Variants in NCOR2 observed in about 807,000 individuals in gnomAD.
NCOR2 encodes the protein nuclear receptor corepressor 2.
NCOR2 carries 81 observed loss-of-function variants against 262.9 expected under a neutral mutation model. That is an observed-to-expected ratio of 0.31 (90% CI 0.26 to 0.37). The LOEUF is 0.37. Ranked by LOEUF, NCOR2 falls within the 10% of genes least tolerant of loss-of-function variation. The pLI is 1.00. For missense variants in NCOR2, 3,385 were observed against 3,621.4 expected, an observed-to-expected ratio of 0.93 and a Z score of 1.68; for synonymous variants, 1,659 against 1,559.3, an observed-to-expected ratio of 1.06 and a Z score of -1.51.
In NCOR2 at chr12:124,483,074, G is replaced by A. The variant is rs753129573; in HGVS notation, c.411+522C>T. On this transcript the variant is annotated intron_variant, in intron 3 of 46. Coordinates refer to ENST00000405201, the Ensembl canonical transcript of NCOR2. This position sits in a 1 kb window ranked among gnomAD's most constrained non-coding sequence, Gnocchi z 6.3. The stretch of plus-strand genomic sequence containing the variant: ...GGCAGAGCCCTGAGCTGTCCACCTC[G>A]CGGGCCGGGGTTCAAGGCCCAGGGG... Among the ~76,000 whole-genome samples the A allele has an allele frequency of 7.2e-5, 11 of 151,992 alleles. No homozygotes were observed. Among genetic ancestry groups the A allele is most frequent in the Non-Finnish European group, 1.6e-4 (11 of 67,946 alleles).
intron 22 of NCOR2, among the ~76,000 whole-genome samples, chr12:124,357,066 G>A (rs1368056159): frequency 6.6e-6 from 1 of 152,226 alleles, no homozygotes; most frequent in Non-Finnish European, 1.5e-5. Context: ...AACCCCACAA[G>A]CACTCAACCA....
Position 124,549,482 on chromosome 12 carries a change from G to A in NCOR2, c.-164-13871C>T, listed in dbSNP as rs1161113430. Among the ~76,000 whole-genome samples the A allele has an allele frequency of 1.3e-5, 2 of 152,018 alleles. No individual in the cohort carries two copies. Among genetic ancestry groups the A allele is most frequent in the African/African-American group, 4.8e-5 (2 of 41,366 alleles). Reference sequence around the variant, plus strand: ...GAGGAAGGCAACTGAGCCCCCTGCAGTAGAAACCCCCACCCGCGAGGCCAG... The same window carrying A: ...GAGGAAGGCAACTGAGCCCCCTGCAATAGAAACCCCCACCCGCGAGGCCAG... On this transcript the variant is annotated intron_variant, in intron 1 of 32. Coordinates refer to the NCOR2 transcript ENST00000458234. This position sits in a 1 kb window ranked among gnomAD's most constrained non-coding sequence, Gnocchi z 4.4.
At chr12:124,395,427 A>T (rs541132605) in intron 16 of NCOR2, among the ~76,000 whole-genome samples, 201 of 152,328 alleles carry the variant, frequency 1.3e-3, no homozygotes, top group African/African-American at 4.6e-3. Flanking sequence ...CGGCAGACGA[A>T]CATGCTGCTG....
At chr12:124,430,927 C>T (rs1194702965) in intron 8 of NCOR2, 140 bp from the exon 11 acceptor site, 8 of 961,818 alleles carry the variant, frequency 8.3e-6, no homozygotes, top group Non-Finnish European at 1.0e-5. Flanking sequence ...CATATACAGT[C>T]AGATACAGCC....
chr12:124,405,405 C>T (rs1316069260), intron 13 of NCOR2, among the ~76,000 whole-genome samples: 1 of 152,228 alleles, frequency 6.6e-6, no homozygotes, highest in African/African-American at 2.4e-5. Flanking sequence ...GGTGCAGCAA[C>T]ACCCACTAGC....
chr12:124,327,688 C>T, intron 44 of NCOR2, 55 bp from the exon 47 acceptor site: 1 of 1,336,238 alleles, frequency 7.5e-7, no homozygotes, highest in Non-Finnish European at 1.0e-6. Context: ...GGAGGGGGAG[C>T]CAGAGGGGCG....
At chr12:124,396,913 C>T (rs1431975644) in intron 16 of NCOR2, among the ~76,000 whole-genome samples, 2 of 152,206 alleles carry the variant, frequency 1.3e-5, no homozygotes, top group Non-Finnish European at 2.9e-5. Flanking sequence ...CCATAAGTCA[C>T]GACCTGGAGC....
At chr12:124,484,562 C>T (rs1228003589) in intron 2 of NCOR2, among the ~76,000 whole-genome samples, 3 of 152,238 alleles carry the variant, frequency 2.0e-5, no homozygotes, top group Non-Finnish European at 4.4e-5. Flanking sequence ...TGTTCCCCTC[C>T]TGCACAAGCC....
intron 28 of NCOR2, among the ~76,000 whole-genome samples, chr12:124,349,357 C>T (rs573236320): frequency 1.3e-5 from 2 of 152,324 alleles, no homozygotes; most frequent in South Asian, 2.1e-4. Context: ...GACAGGCTCT[C>T]GGGCTTTTCA....
At chr12:124,379,003 G>A (rs1218350264) in intron 17 of NCOR2, among the ~76,000 whole-genome samples, 3 of 152,100 alleles carry the variant, frequency 2.0e-5, no homozygotes, top group African/African-American at 7.3e-5. Context: ...AGAGGGTCGC[G>A]TGGGTGAAAC....
chr12:124,507,673 C>T (rs546134391), intron 1 of NCOR2, among the ~76,000 whole-genome samples: 22 of 152,270 alleles, frequency 1.4e-4, no homozygotes, highest in Non-Finnish European at 2.8e-4. Context: ...CCCAGGTGGC[C>T]TCAAGGCCAG....
At chr12:124,475,357 C>T (rs1465419140) in intron 3 of NCOR2, among the ~76,000 whole-genome samples, 1 of 151,826 alleles carries the variant, frequency 6.6e-6, no homozygotes, top group African/African-American at 2.4e-5. Flanking sequence ...TCTGCACACC[C>T]CATGAAGTGG....
chr12:124,567,590 C>CCGGCGGCCGCGGCGGCGGTGG (rs1322128860), upstream of NCOR2: 9 of 144,652 alleles, frequency 6.2e-5, no homozygotes, highest in African/African-American at 2.0e-4. Flanking sequence ...TCCGCGCTCC[C>CCGGCGGCCGCGGCGGCGGTGG]CGGCGGCCGC....
chr12:124,556,717 A>T (rs2051893608), intron 1 of NCOR2, among the ~76,000 whole-genome samples: 1 of 152,116 alleles, frequency 6.6e-6, no homozygotes, highest in Non-Finnish European at 1.5e-5. Flanking sequence ...AAAATTAGCC[A>T]TGTGCGCCTA....
chr12:124,327,340 C>A (rs922123516), intron 45 of NCOR2, 69 bp downstream of exon 47: 79 of 1,204,928 alleles, frequency 6.6e-5, no homozygotes, highest in Non-Finnish European at 8.7e-5. Flanking sequence ...CAGAGGAGCG[C>A]GGAGGAGCGA....
At chr12:124,447,737 C>A (rs553994958) in intron 7 of NCOR2, among the ~76,000 whole-genome samples, 10 of 151,566 alleles carry the variant, frequency 6.6e-5, no homozygotes, top group African/African-American at 2.4e-4. Flanking sequence ...TGCTCTGTCA[C>A]CCAGGCTGGA....
rs200783834 is a variant in NCOR2 at position 124,503,625 on chromosome 12, T to C, written c.-117-8257A>G. Among the ~76,000 whole-genome samples, 9 of 142,708 alleles carry C rather than the reference T, an allele frequency of 6.3e-5. No homozygotes were observed. Among genetic ancestry groups the C allele is most frequent in the African/African-American group, 2.1e-4 (8 of 37,228 alleles). The allele number at this position is 142,708 out of a possible 152,430, so 93.6% of individuals were successfully genotyped here. A position where few individuals can be genotyped will look rare whatever the true frequency, so the allele number is the denominator to read the frequency against. Reference sequence around the variant, plus strand: ...ATGGACGGACGGACGGATGGATGGATGGATGGATGGGCGAATGGATGGATG... The same window carrying C: ...ATGGACGGACGGACGGATGGATGGACGGATGGATGGGCGAATGGATGGATG... On this transcript the variant is annotated intron_variant, in intron 1 of 46. Coordinates refer to the NCOR2 transcript ENST00000404621. This position sits in a 1 kb window ranked among gnomAD's most constrained non-coding sequence, Gnocchi z 4.3.
intron 13 of NCOR2, among the ~76,000 whole-genome samples, chr12:124,410,226 T>C (rs369681927): frequency 2.4e-4 from 35 of 145,638 alleles, no homozygotes; most frequent in Non-Finnish European, 4.5e-4. Flanking sequence ...TGGGGAGCGC[T>C]CACATTTTCC....
chr12:124,458,990 G>A (rs1268001425), intron 5 of NCOR2, among the ~76,000 whole-genome samples: 5 of 152,174 alleles, frequency 3.3e-5, no homozygotes. Context: ...GAGAGACATG[G>A]AATGAATGAG....
Sources: gnomAD v4.1 joint callset for allele counts (sites outside exome capture counted in the v4.1 genomes callset) on GRCh38, gnomAD v4.1.1 for gene constraint, Gnocchi (gnomAD v3.1) non-coding constraint, MANE v1.5 for transcripts, NCBI Gene and HGNC (gene_info 2026-07-23, HGNC 2026-07-21) for gene names.